Variants in ZNF473 observed in about 807,000 individuals in gnomAD.
The protein encoded by ZNF473 is zinc finger protein 100 homolog.
A neutral mutation model predicts 11.1 loss-of-function variants in ZNF473; 4 were observed. The ratio of observed to expected loss-of-function variants is 0.36; its 90% confidence interval spans 0.18 to 0.82. The LOEUF (loss-of-function observed/expected upper bound fraction) is 0.82, where lower values mean the gene tolerates loss of function less well. Among genes scored for constraint, ZNF473 ranks in the 40% least tolerant of loss-of-function variants. The probability of loss-of-function intolerance (pLI) is 0.49; values close to 1 mark genes in which losing one functional copy is unlikely to be tolerated. For missense variants in ZNF473, 854 were observed against 1,084.0 expected (o/e 0.79, Z 2.98); for synonymous variants, 404 against 390.4 (o/e 1.03, Z -0.41).
At chr19:50,038,284 G>A (rs1273974466) in intron 2 of ZNF473, among the ~76,000 whole-genome samples, 2 of 150,508 alleles carry the variant, frequency 1.3e-5, no homozygotes, top group African/African-American at 4.9e-5. Flanking sequence ...TATTAACTAG[G>A]AAAGTCTTAA....
chr19:50,031,057 A>C lies in ZNF473; in HGVS notation c.-26A>C, dbSNP rs1483520000. 6.4e-7 allele frequency: 1 copy of C among 1,564,030 alleles called. No individual in the cohort carries two copies. The highest frequency in any genetic ancestry group is 1.9e-5 in the Admixed American group (1 of 53,090). ...CGGAGGGGAAGGAGGAGGAGCTTAA[A>C]AGAGGCTACTGAACCCCAGTTGGCC... On this transcript the variant is annotated 5_prime_UTR_variant, in exon 2 of 5. Coordinates refer to ENST00000270617, the MANE Select transcript of ZNF473 (RefSeq NM_015428.4).
intron 3 of ZNF473, chr19:50,040,732 C>T: frequency 6.6e-6 from 1 of 152,182 alleles, no homozygotes; most frequent in Non-Finnish European, 1.5e-5. Flanking sequence ...TTTGAAGAAC[C>T]AGAAAAATAA....
Position 50,039,205 on chromosome 19 carries a change from A to T in ZNF473, c.54A>T (p.Gly18=), listed in dbSNP as rs1488982702. ...LKDVGMDFTL[G]DWEQLGLEQG... is the part of the protein sequence containing the mutation. Reference sequence around the variant, plus strand: ...ATGTCGGCATGGACTTCACCTTGGGAGACTGGGAGCAGCTCGGGCTGGAAC... The same window carrying T: ...ATGTCGGCATGGACTTCACCTTGGGTGACTGGGAGCAGCTCGGGCTGGAAC... The change falls in exon 3 of 5, where the codon GGA becomes GGT. Residue 18 remains glycine, a synonymous_variant. Coordinates refer to ENST00000270617, the MANE Select transcript of ZNF473 (RefSeq NM_015428.4). This position sits in a 1 kb window ranked among gnomAD's most constrained non-coding sequence, Gnocchi z 4.8. 6.2e-7 allele frequency: 1 copy of T among 1,614,140 alleles called. No homozygotes were observed.
At chr19:50,031,948 T>C (rs10413334) in intron 2 of ZNF473, among the ~76,000 whole-genome samples, 7,930 of 151,722 alleles carry the variant, frequency 0.052, 685 homozygotes, top group African/African-American at 0.18. Context: ...GCCCACACAG[T>C]CCCCGATACC....
At position 50,045,025 on chromosome 19, in the gene ZNF473, C is replaced by T. The variant is rs377312436; in HGVS notation, c.582C>T (p.Ser194=). Residue 194 remains serine, a synonymous_variant, in exon 5 of 5, where the codon TCC becomes TCT. Coordinates refer to ENST00000270617, the MANE Select transcript of ZNF473 (RefSeq NM_015428.4). ...ATAGGGGTGAGTTTTTCTCCTACTC[C>T]GACCACAGCCAGCAGGATTCTGTTC... is the stretch of plus-strand genomic sequence containing the variant. ...KEYRGEFFSY[S]DHSQQDSVQE... The T allele has an allele frequency of 5.3e-5, 85 of 1,614,158 alleles. No individual in the cohort carries two copies. Among genetic ancestry groups the T allele is most frequent in the East Asian group, 4.0e-4 (18 of 44,884 alleles).
chr19:50,043,681 G>A lies in ZNF473; in HGVS notation c.227-989G>A, dbSNP rs1466353715. Among the ~76,000 whole-genome samples the A allele has an allele frequency of 2.0e-5, 3 of 151,994 alleles. No individual in the cohort carries two copies. The East Asian group carries it at 5.8e-4, about 29-fold the overall frequency. ...GCAGTGGATGGATGAGCAGTGGAAG[G>A]TCCCCATTAAAGAACTTACCTTCTG... On this transcript the variant is annotated intron_variant, in intron 4 of 4. Coordinates refer to ENST00000270617, the MANE Select transcript of ZNF473 (RefSeq NM_015428.4).
rs553015924 is a variant in ZNF473 at position 50,039,347 on chromosome 19, C to T, written c.136+60C>T. 8.8e-6 allele frequency: 14 copies of T among 1,598,680 alleles called. No homozygotes were observed. The African/African-American group carries it at 1.5e-4, about 17-fold the overall frequency. On this transcript the variant is annotated intron_variant, in intron 3 of 4. Transcript: ENST00000270617. The surrounding 1 kb of genome is among the most constrained non-coding windows in gnomAD (Gnocchi z 4.8). ...GCCCTGCTTGGTGATCACCCATGCT[C>T]TCTACCACCCACAGGGTGAAGTCCT...
rs766656120 is a variant in ZNF473 at position 50,047,062 on chromosome 19, A to G, written c.*3A>G. 6.3e-7 allele frequency: 1 copy of G among 1,598,428 alleles called. No homozygotes were observed. The highest frequency in any genetic ancestry group is 8.6e-7 in the Non-Finnish European group (1 of 1,168,432). ...ACAAGCAGCAATACTGCCTGTAGCC[A>G]TTGGGTGGCAGCAGAGTCCCAGAAT... On this transcript the variant is annotated 3_prime_UTR_variant, in exon 5 of 5. Transcript: ENST00000270617.
chr19:50,031,980 T>C (rs1206012036), intron 2 of ZNF473, among the ~76,000 whole-genome samples: 1 of 151,508 alleles, frequency 6.6e-6, no homozygotes, highest in East Asian at 1.9e-4. Flanking sequence ...CAGTCCTACC[T>C]CCCTCGTGTC....
rs1422510071 is a variant in ZNF473 at position 50,046,523 on chromosome 19, C to T, written c.2080C>T (p.Arg694Ter). The change falls in exon 5 of 5, where the codon CGA becomes TGA. Residue 694 changes from arginine to a stop codon, truncating the protein, a stop_gained. Transcript: ENST00000270617. LOFTEE classifies it low-confidence loss of function (END_TRUNC). The surrounding 1 kb of genome is among the most constrained non-coding windows in gnomAD (Gnocchi z 5.9). ...TQRNYLVQHERTHARKKPLVC... is the reference protein window; with the variant it reads ...TQRNYLVQHE Reference sequence around the variant, plus strand: ...GAGAAACTACCTTGTTCAGCATGAGCGAACTCATGCCAGAAAGAAGCCGTT... The same window carrying T: ...GAGAAACTACCTTGTTCAGCATGAGTGAACTCATGCCAGAAAGAAGCCGTT... 1.9e-6 allele frequency: 3 copies of T among 1,614,144 alleles called. No individual in the cohort carries two copies. Among genetic ancestry groups the T allele is most frequent in the South Asian group, 1.1e-5 (1 of 91,074 alleles).
intron 4 of ZNF473, chr19:50,043,413 C>T (rs1258745678): frequency 8.5e-6 from 1 of 117,754 alleles, no homozygotes; most frequent in East Asian, 2.4e-4. Flanking sequence ...GCCTGGGCAA[C>T]AGGGCAAGAC....
chr19:50,026,769 A>G (rs1472532702), intron 1 of ZNF473, among the ~76,000 whole-genome samples: 16 of 152,048 alleles, frequency 1.1e-4, no homozygotes, highest in Admixed American at 1.0e-3. Flanking sequence ...TGAACCCAGG[A>G]GGCAGAGGTT....
chr19:50,036,774 T>C (rs1018720391), intron 2 of ZNF473, among the ~76,000 whole-genome samples: 65 of 152,210 alleles, frequency 4.3e-4, no homozygotes, highest in African/African-American at 1.5e-3. Flanking sequence ...TGTTATGCGT[T>C]GTGCCATTTT....
chr19:50,045,356 A>T lies in ZNF473; in HGVS notation c.913A>T (p.Thr305Ser). 1 of 1,614,192 alleles carries T rather than the reference A, an allele frequency of 6.2e-7. No homozygotes were observed. Among genetic ancestry groups the T allele is most frequent in the Non-Finnish European group, 8.5e-7 (1 of 1,180,032 alleles). Residue 305 changes from threonine to serine, a missense_variant, in exon 5 of 5, where the codon ACA (threonine) becomes TCA (serine). Physicochemically the swap from Thr to Ser is moderately conservative, Grantham distance 58 (BLOSUM62 1). Coordinates refer to ENST00000270617, the MANE Select transcript of ZNF473 (RefSeq NM_015428.4). ...QDSDHPPSHD[T>S]QPGEHQKTHT... ...TAGTGACCACCCACCCAGTCATGAC[A>T]CACAGCCTGGTGAGCATCAGAAAAC...
At position 50,046,177 on chromosome 19, in the gene ZNF473, T is replaced by C. The variant is rs1422568545; in HGVS notation, c.1734T>C (p.Thr578=). The C allele has an allele frequency of 1.2e-6, 2 of 1,613,966 alleles. No individual in the cohort carries two copies. Among genetic ancestry groups the C allele is most frequent in the Non-Finnish European group, 1.7e-6 (2 of 1,180,016 alleles). ...EKTFSCSKYL[T]QHERIHTRGV... is the part of the protein sequence containing the mutation. ...CCTTTAGCTGCAGCAAATACCTAAC[T>C]CAGCACGAGAGGATTCACACCAGGG... Residue 578 remains threonine, a synonymous_variant, in exon 5 of 5, where the codon ACT becomes ACC. Transcript: ENST00000270617. The surrounding 1 kb of genome is among the most constrained non-coding windows in gnomAD (Gnocchi z 5.9).
At chr19:50,027,511 G>T (rs933753532) in intron 1 of ZNF473, among the ~76,000 whole-genome samples, 1 of 152,008 alleles carries the variant, frequency 6.6e-6, no homozygotes. Context: ...TCCACCTCTG[G>T]GCCCTCGTTT....
At chr19:50,037,658 C>G (rs1273212376) in intron 2 of ZNF473, among the ~76,000 whole-genome samples, 1 of 138,536 alleles carries the variant, frequency 7.2e-6, no homozygotes. Context: ...CCTACTCTAC[C>G]AAAAAAAAAA....
chr19:50,036,836 G>A (rs951610321), intron 2 of ZNF473, among the ~76,000 whole-genome samples: 4 of 152,160 alleles, frequency 2.6e-5, no homozygotes, highest in Non-Finnish European at 5.9e-5. Context: ...GAGGCAGTCT[G>A]TTGGCCTTGG....
chr19:50,036,853 C>T (rs8111334), intron 2 of ZNF473, among the ~76,000 whole-genome samples: 20,233 of 152,174 alleles, frequency 0.13, 1,531 homozygotes, highest in East Asian at 0.34. Flanking sequence ...TTGGACTTCC[C>T]AGCCTCGAGA....
Sources: allele counts gnomAD v4.1 joint callset (sites outside exome capture counted in the v4.1 genomes callset), GRCh38; gene constraint gnomAD v4.1.1; non-coding constraint Gnocchi (gnomAD v3.1); transcripts MANE v1.5; gene names NCBI Gene and HGNC (gene_info 2026-07-23, HGNC 2026-07-21).